OXR1: variants seen among roughly 807,000 people sequenced by gnomAD.
OXR1 encodes the protein oxidation resistance 1.
A neutral mutation model predicts 104.6 loss-of-function variants in OXR1; 41 were observed. That is an observed-to-expected ratio of 0.39 (90% CI 0.31 to 0.51). OXR1 has a LOEUF of 0.51. Among genes scored for constraint, OXR1 ranks in the 20% least tolerant of loss-of-function variants. The pLI is 0.77. For synonymous variants in OXR1, 348 were observed against 348.4 expected (o/e 1.00, Z 0.01); for missense variants, 955 against 1,031.9 (o/e 0.93, Z 1.02).
intron 3 of OXR1, among the ~76,000 whole-genome samples, chr8:106,619,731 C>T (rs1821543401): frequency 6.6e-6 from 1 of 152,018 alleles, no homozygotes; most frequent in Non-Finnish European, 1.5e-5. Context: ...TGTATGAACC[C>T]CTTTTCAAAG....
chr8:106,679,240 A>T lies in OXR1; in HGVS notation c.251A>T (p.Lys84Ile). ...DTGQKKTLDK[K>I]DGRRMSFQKP... ...GGCCAAAAGAAGACCCTAGACAAGA[A>T]AGATGGAAGACGAATGTCTTTTCAG... Residue 84 changes from lysine to isoleucine, a missense_variant, in exon 4 of 17, where the codon AAA (lysine) becomes ATA (isoleucine). This residue lies in a region of OXR1 where 849 missense variants were observed against 852.9 expected (regional missense o/e 1.00). Transcript: ENST00000517566. 2 of 1,610,526 alleles carry T rather than the reference A, an allele frequency of 1.2e-6. No homozygotes were observed. The highest frequency in any genetic ancestry group is 1.7e-6 in the Non-Finnish European group (2 of 1,177,340).
chr8:106,559,639 A>G (rs1469570644), intron 3 of OXR1, among the ~76,000 whole-genome samples: 1 of 152,236 alleles, frequency 6.6e-6, no homozygotes, highest in Non-Finnish European at 1.5e-5. Flanking sequence ...GAAGTCCAAG[A>G]TCATAGCACC....
chr8:106,636,131 G>A (rs1427505425), intron 3 of OXR1, among the ~76,000 whole-genome samples: 1 of 152,100 alleles, frequency 6.6e-6, no homozygotes, highest in East Asian at 1.9e-4. Context: ...CTACCTACTT[G>A]TCCACATCAA....
intron 3 of OXR1, among the ~76,000 whole-genome samples, chr8:106,588,182 A>G (rs996045364): frequency 1.3e-5 from 2 of 152,054 alleles, no homozygotes; most frequent in Non-Finnish European, 2.9e-5. Context: ...GATGGTCTCG[A>G]TCTCCTGACC....
chr8:106,712,491 C>G (rs1209302129), intron 10 of OXR1, among the ~76,000 whole-genome samples: 1 of 152,044 alleles, frequency 6.6e-6, no homozygotes, highest in East Asian at 1.9e-4. Context: ...TGTAAAATAT[C>G]TTGACCATAC....
chr8:106,658,269 G>C (rs1825358404), intron 3 of OXR1: 1 of 1,222,074 alleles, frequency 8.2e-7, no homozygotes, highest in South Asian at 4.2e-5. Flanking sequence ...GCCGGGCGGG[G>C]GTCGCTGCCC....
At chr8:106,565,988 G>A (rs747407058) in intron 3 of OXR1, among the ~76,000 whole-genome samples, 5 of 152,132 alleles carry the variant, frequency 3.3e-5, no homozygotes, top group Non-Finnish European at 5.9e-5. Context: ...ATGGATTAAA[G>A]ATTTAAATGT....
At position 106,553,595 on chromosome 8, in the gene OXR1, C is replaced by T. The variant is rs558676590; in HGVS notation, c.220+34456C>T. 9.5e-4 allele frequency among the ~76,000 whole-genome samples: 145 copies of T among 152,238 alleles called. 2 individuals carry two copies. Among genetic ancestry groups the T allele is most frequent in the Admixed American group, 5.9e-4 (9 of 15,288 alleles). ...TCGGTCTCCAAAAGTGCTGAGATTA[C>T]GGGTGTGAGCCACCATGTCCAGCTG... On this transcript the variant is annotated intron_variant, in intron 3 of 16. Coordinates refer to ENST00000517566, the MANE Select transcript of OXR1 (RefSeq NM_001198533.2).
intron 3 of OXR1, among the ~76,000 whole-genome samples, chr8:106,604,504 T>C (rs1016409002): frequency 2.6e-5 from 4 of 152,206 alleles, no homozygotes; most frequent in African/African-American, 9.7e-5. Flanking sequence ...TTTTGTAAAA[T>C]TCTATAGGTA....
intron 2 of OXR1, among the ~76,000 whole-genome samples, chr8:106,407,193 T>A (rs1465547579): frequency 6.6e-6 from 1 of 152,194 alleles, no homozygotes; most frequent in African/African-American, 2.4e-5. Context: ...TGTATGTACA[T>A]CTGTGACAGG....
chr8:106,727,617 G>A (rs1268687225), intron 11 of OXR1, among the ~76,000 whole-genome samples: 1 of 151,902 alleles, frequency 6.6e-6, no homozygotes, highest in Admixed American at 6.6e-5. Context: ...ACTAGGTTTC[G>A]CCTTGTTGCC....
chr8:106,567,073 C>T (rs1817133578), intron 3 of OXR1, among the ~76,000 whole-genome samples: 1 of 152,044 alleles, frequency 6.6e-6, no homozygotes, highest in South Asian at 2.1e-4. Flanking sequence ...ATGTAAAAAA[C>T]CTGCACATTC....
intron 3 of OXR1, among the ~76,000 whole-genome samples, chr8:106,615,262 T>C (rs1821122335): frequency 1.3e-5 from 2 of 152,034 alleles, no homozygotes; most frequent in African/African-American, 4.8e-5. Flanking sequence ...AAACCCTGTC[T>C]CTACTAAAAA....
At chr8:106,721,663 G>C (rs554353789) in intron 11 of OXR1, among the ~76,000 whole-genome samples, 3 of 152,140 alleles carry the variant, frequency 2.0e-5, no homozygotes, top group Non-Finnish European at 4.4e-5. Context: ...GATTATTTAA[G>C]TATAAATGTA....
At chr8:106,273,813 T>C (rs964992833) in intron 1 of OXR1, among the ~76,000 whole-genome samples, 4 of 152,180 alleles carry the variant, frequency 2.6e-5, no homozygotes, top group African/African-American at 9.7e-5. Flanking sequence ...AAACAAAAAA[T>C]CTTAAGACAT....
At chr8:106,651,227 C>G (rs189410464) in intron 3 of OXR1, among the ~76,000 whole-genome samples, 1 of 152,286 alleles carries the variant, frequency 6.6e-6, no homozygotes, top group African/African-American at 2.4e-5. Flanking sequence ...TCTTCACCAT[C>G]CTGATAGAAG....
intron 3 of OXR1, among the ~76,000 whole-genome samples, chr8:106,635,474 T>C (rs574101516): frequency 6.6e-6 from 1 of 152,306 alleles, no homozygotes; most frequent in Non-Finnish European, 1.5e-5. Flanking sequence ...TGACATAGTC[T>C]TGTTCTGTGG....
intron 3 of OXR1, among the ~76,000 whole-genome samples, chr8:106,607,393 A>G (rs1820480577): frequency 6.6e-6 from 1 of 152,230 alleles, no homozygotes; most frequent in African/African-American, 2.4e-5. Flanking sequence ...TCTGCCATGC[A>G]TAAGTCAACA....
intron 2 of OXR1, among the ~76,000 whole-genome samples, chr8:106,489,352 C>A (rs1295872409): frequency 1.3e-5 from 2 of 152,118 alleles, no homozygotes; most frequent in Non-Finnish European, 1.5e-5. Flanking sequence ...ACGGGATAAG[C>A]CCTGAGAGAG....
Sources: gnomAD v4.1 joint callset for allele counts (sites outside exome capture counted in the v4.1 genomes callset) on GRCh38, gnomAD v4.1.1 for gene constraint, gnomAD v4.1.1 regional missense constraint, MANE v1.5 for transcripts, NCBI Gene and HGNC (gene_info 2026-07-23, HGNC 2026-07-21) for gene names.